The following WDR43 variants were observed in gnomAD, a reference collection of about 807,000 sequenced individuals.
WDR43 encodes the protein WD repeat domain 43.
A neutral mutation model predicts 91.4 loss-of-function variants in WDR43; 13 were observed. That is an observed-to-expected ratio of 0.14 (90% CI 0.09 to 0.23). The LOEUF (loss-of-function observed/expected upper bound fraction) is 0.23. WDR43 is among the 10% of genes least tolerant of loss of function. WDR43 has a pLI of 1.00. For synonymous variants in WDR43, 331 were observed against 287.9 expected (o/e 1.15, Z -1.51); for missense variants, 780 against 809.4 (o/e 0.96, Z 0.44).
chr2:28,925,183 A>G (rs761050532), intron 8 of WDR43, 30 bp downstream of exon 8: 75 of 1,575,452 alleles, frequency 4.8e-5, no homozygotes, highest in Middle Eastern at 1.7e-4. Context: ...GAGTAAAGCA[A>G]TATAGCATCC....
chr2:28,894,694 C>A lies in WDR43; in HGVS notation c.-5C>A, dbSNP rs2148173699. ...ACACGTGGCTGCAGCGGGGCCAGAGCAGCAATGGCGGCGGGCGGCGGCGGT... is the reference window on the plus strand; with the variant it reads ...ACACGTGGCTGCAGCGGGGCCAGAGAAGCAATGGCGGCGGGCGGCGGCGGT... On this transcript the variant is annotated 5_prime_UTR_variant, in exon 1 of 18. Coordinates refer to ENST00000407426, the MANE Select transcript of WDR43 (RefSeq NM_015131.3). 6.4e-7 allele frequency: 1 copy of A among 1,558,626 alleles called. No homozygotes were observed. Among genetic ancestry groups the A allele is most frequent in the South Asian group, 1.2e-5 (1 of 84,992 alleles).
At chr2:28,900,076 G>A (rs10201633) in intron 1 of WDR43, among the ~76,000 whole-genome samples, 101,388 of 152,052 alleles carry the variant, frequency 0.67, 34,520 homozygotes, top group East Asian at 0.85. Context: ...ATTCAAATTG[G>A]CAATAAAGCA....
chr2:28,918,071 T>A, intron 6 of WDR43, 76 bp downstream of exon 6: 1 of 1,301,142 alleles, frequency 7.7e-7, no homozygotes, highest in Non-Finnish European at 1.1e-6. Context: ...TTTGATGATT[T>A]AATGACTTGA....
chr2:28,897,234 G>C (rs1239477178), intron 1 of WDR43, among the ~76,000 whole-genome samples: 1 of 152,072 alleles, frequency 6.6e-6, no homozygotes, highest in Non-Finnish European at 1.5e-5. Context: ...AAACAAACTT[G>C]CACATATATT....
chr2:28,913,787 T>C (rs4666134), intron 4 of WDR43: 171,708 of 604,900 alleles, frequency 0.28, 30,987 homozygotes, highest in East Asian at 0.78. Flanking sequence ...ATTAAGTGAA[T>C]CTTTAATTCA....
Position 28,894,878 on chromosome 2 carries a change from T to A in WDR43, c.180T>A (p.Gly60=), listed in dbSNP as rs770010758. The change falls in exon 1 of 18, where the codon GGT becomes GGA. Residue 60 remains glycine (G), a synonymous_variant. Coordinates refer to ENST00000407426, the MANE Select transcript of WDR43 (RefSeq NM_015131.3). The stretch of plus-strand genomic sequence containing the variant: ...ACGTGCCTTCCGCGCACCTCAGTGG[T>A]ACCTGCACCTGTCTGGCCTGGGCGC... ...QEYVPSAHLS[G]TCTCLAWAPA... is the part of the protein sequence containing the mutation. 19 of 1,607,890 alleles carry A rather than the reference T, an allele frequency of 1.2e-5. No homozygotes were observed. Among genetic ancestry groups the A allele is most frequent in the Non-Finnish European group, 1.5e-5 (18 of 1,177,572 alleles).
intron 16 of WDR43, 48 bp from the exon 17 acceptor site, chr2:28,946,402 C>CA (rs1385535991): frequency 1.3e-6 from 2 of 1,565,388 alleles, no homozygotes; most frequent in Non-Finnish European, 8.7e-7. Flanking sequence ...CAGGCTGTAC[C>CA]CTCTGTTTTG....
chr2:28,926,300 T>C (rs1671139136), intron 8 of WDR43, among the ~76,000 whole-genome samples, 168 bp from the exon 9 acceptor site: 2 of 152,220 alleles, frequency 1.3e-5, no homozygotes, highest in African/African-American at 4.8e-5. Flanking sequence ...TGAGTGGTGA[T>C]CGTGGTTAAC....
chr2:28,932,811 G>A (rs931428869), intron 11 of WDR43, among the ~76,000 whole-genome samples: 6 of 151,988 alleles, frequency 3.9e-5, no homozygotes, highest in Non-Finnish European at 5.9e-5. Context: ...AAAGAGAAGC[G>A]TATTTATGTA....
intron 3 of WDR43, among the ~76,000 whole-genome samples, chr2:28,907,768 G>A (rs1277508096): frequency 6.6e-6 from 1 of 152,164 alleles, no homozygotes; most frequent in African/African-American, 2.4e-5. Flanking sequence ...GCTGGGCGTG[G>A]TGGCGGGCCT....
chr2:28,948,208 C>T lies in WDR43; in HGVS notation c.*1429C>T. On this transcript the variant is annotated 3_prime_UTR_variant, in exon 18 of 18. Transcript: ENST00000407426. ...TCTCTTTGTAAAGTGAATAAATATT[C>T]ATCTTTACCCAGTGCTTGTCTTGTG... The T allele has an allele frequency of 6.6e-6, 1 of 152,154 alleles. No individual in the cohort carries two copies. The highest frequency in any genetic ancestry group is 1.9e-4 in the East Asian group (1 of 5,206). 9.4% of individuals were successfully genotyped at this position (152,154 alleles called of 1,614,324 possible).
At chr2:28,904,784 G>A (rs952436889) in intron 2 of WDR43, among the ~76,000 whole-genome samples, 3 of 152,248 alleles carry the variant, frequency 2.0e-5, no homozygotes, top group Non-Finnish European at 2.9e-5. Context: ...TTCTTTTGAA[G>A]TGGTAACAAT....
At chr2:28,914,743 A>T (rs1369180606) in intron 5 of WDR43, among the ~76,000 whole-genome samples, 1 of 152,202 alleles carries the variant, frequency 6.6e-6, no homozygotes, top group Non-Finnish European at 1.5e-5. Flanking sequence ...ATCCTGGCCA[A>T]CATGGTGAAA....
At chr2:28,933,413 C>G (rs1671284358) in intron 11 of WDR43, among the ~76,000 whole-genome samples, 1 of 152,092 alleles carries the variant, frequency 6.6e-6, no homozygotes. Context: ...GACTGTAAAA[C>G]CTAAAACTAC....
rs1338726761 is a variant in WDR43, at chr2:28,943,129, A to G, written c.1804+748A>G. 2.0e-5 allele frequency among the ~76,000 whole-genome samples: 3 copies of G among 152,174 alleles called. No homozygotes were observed. In the East Asian group the frequency reaches 5.8e-4, roughly 29 times the overall value. Reference sequence around the variant, plus strand: ...AGGTTATTTGATCAGGCCTTCAAAGAACAAATCTTTTCTTTTCTTTTTTGC... The same window carrying G: ...AGGTTATTTGATCAGGCCTTCAAAGGACAAATCTTTTCTTTTCTTTTTTGC... On this transcript the variant is annotated intron_variant, in intron 16 of 17. Coordinates refer to ENST00000407426, the MANE Select transcript of WDR43 (RefSeq NM_015131.3).
At chr2:28,895,912 A>G (rs1200589143) in intron 1 of WDR43, 1 of 152,202 alleles carries the variant, frequency 6.6e-6, no homozygotes, top group Non-Finnish European at 1.5e-5. Context: ...GCTATTTAGG[A>G]TCTTACTCTC....
chr2:28,905,393 T>A (rs1670660413), intron 2 of WDR43, among the ~76,000 whole-genome samples: 3 of 152,202 alleles, frequency 2.0e-5, no homozygotes, highest in Admixed American at 6.5e-5. Flanking sequence ...GGCATCTTGC[T>A]ATGCTGTAAA....
At chr2:28,928,005 G>A (rs775021860) in intron 10 of WDR43, 3 of 238,600 alleles carry the variant, frequency 1.3e-5, no homozygotes, top group Non-Finnish European at 2.5e-5. Context: ...CTATCATTGG[G>A]TTTCGCATGT....
chr2:28,899,315 C>A (rs536159292), intron 1 of WDR43, among the ~76,000 whole-genome samples: 1 of 152,236 alleles, frequency 6.6e-6, no homozygotes, highest in African/African-American at 2.4e-5. Context: ...GTGTCTAATG[C>A]AGGGTATGAC....
Sources: allele counts gnomAD v4.1 joint callset (sites outside exome capture counted in the v4.1 genomes callset), GRCh38; gene constraint gnomAD v4.1.1; transcripts MANE v1.5; gene names NCBI Gene and HGNC (gene_info 2026-07-23, HGNC 2026-07-21).